Variants in CEP44 observed in about 807,000 individuals in gnomAD.
CEP44 encodes centrosomal protein of 44 kDa.
Under a neutral mutation model 46.7 loss-of-function variants are expected in CEP44, and 45 were observed. The observed-to-expected ratio is 0.96, with a 90% confidence interval of 0.76 to 1.24. The LOEUF (loss-of-function observed/expected upper bound fraction) is 1.24, where lower values mean the gene tolerates loss of function less well. CEP44 is among the 50% of genes most tolerant of loss of function. The pLI, the probability that CEP44 is intolerant of heterozygous loss-of-function variation, is 0.00. For missense variants in CEP44, 475 were observed against 459.7 expected (o/e 1.03, Z -0.30); for synonymous variants, 142 against 146.0 (o/e 0.97, Z 0.20).
At chr4:174,296,326 T>C (rs11929798) in intron 1 of CEP44, among the ~76,000 whole-genome samples, 61,578 of 152,060 alleles carry the variant, frequency 0.4, 13,235 homozygotes, top group Non-Finnish European at 0.48. Context: ...TAGAGAATCA[T>C]GACATTCAGC....
Position 174,304,273 on chromosome 4 carries a change from C to T in CEP44, c.411C>T (p.Ile137=). Residue 137 remains isoleucine (I), a synonymous_variant, in exon 6 of 12, where the codon ATC becomes ATT. Coordinates refer to ENST00000503780, the MANE Select transcript of CEP44 (RefSeq NM_001040157.3). ...QKIPSQQRKK[I]SSGKSEPPLG... is the part of the protein sequence containing the mutation. Reference sequence around the variant, plus strand: ...TTCCATCACAACAAAGAAAGAAAATCAGTTCTGGTAAGTCAGAACCTCCTT... The same window carrying T: ...TTCCATCACAACAAAGAAAGAAAATTAGTTCTGGTAAGTCAGAACCTCCTT... 6.3e-7 allele frequency: 1 copy of T among 1,597,412 alleles called. No homozygotes were observed.
At chr4:174,317,183 G>A (rs1487507417) in intron 11 of CEP44, 152 bp from the exon 12 acceptor site, 2 of 343,402 alleles carry the variant, frequency 5.8e-6, no homozygotes, top group Non-Finnish European at 1.1e-5. Context: ...CTTCCCTCTG[G>A]TCATACTTAA....
chr4:174,315,465 G>A (rs1277595885), intron 9 of CEP44, among the ~76,000 whole-genome samples: 1 of 152,020 alleles, frequency 6.6e-6, no homozygotes, highest in East Asian at 1.9e-4. Flanking sequence ...TTTCATATAT[G>A]TCAAATCAAG....
At position 174,290,633 on chromosome 4, in the gene CEP44, C is replaced by T. The variant is rs1009108849; in HGVS notation, c.-148+6690C>T. On this transcript the variant is annotated intron_variant, in intron 1 of 11. Transcript: ENST00000503780. The surrounding 1 kb of genome is among the most constrained non-coding windows in gnomAD (Gnocchi z 4.3). ...ATGACCAGTACATTATAGACAGTGA[C>T]GTATCAAAGTCTCCTTCTGTATTGT... Among the ~76,000 whole-genome samples, 13 of 152,024 alleles carry T rather than the reference C, an allele frequency of 8.6e-5. No homozygotes were observed. In the East Asian group the frequency reaches 2.1e-3, roughly 25 times the overall value.
intron 11 of CEP44, 133 bp downstream of exon 11, chr4:174,316,700 A>G: frequency 1.4e-6 from 1 of 701,320 alleles, no homozygotes; most frequent in Non-Finnish European, 2.3e-6. Flanking sequence ...TTCCTTCAGG[A>G]CTCCACTGGA....
At chr4:174,283,896 G>A (rs987756780), upstream of CEP44, 207 of 398,982 alleles carry the variant, frequency 5.2e-4, no homozygotes, top group Non-Finnish European at 7.8e-4. The surrounding 1 kb of genome is among the most constrained non-coding windows in gnomAD (Gnocchi z 6.7). Flanking sequence ...TCGGCAGCGA[G>A]GAATCCTGGA....
rs1198660939 is a variant in CEP44 at position 174,309,004 on chromosome 4, CAATAAGTCTTACTAAAAT to C, written c.678+149_678+166del. The C allele has an allele frequency of 6.6e-6, 5 of 756,638 alleles. No homozygotes were observed. The highest frequency in any genetic ancestry group is 8.6e-6 in the Non-Finnish European group (4 of 464,144). 46.9% of individuals were successfully genotyped at this position (756,638 alleles called of 1,614,324 possible). The stretch of plus-strand genomic sequence containing the variant: ...ATCTATGTTACAATTACTGAAGTGT[CAATAAGTCTTACTAAAAT>C]AATTCAACAAATATTTGCTGCATAT... On this transcript the variant is annotated intron_variant, in intron 7 of 11. Transcript: ENST00000503780. This position sits in a 1 kb window ranked among gnomAD's most constrained non-coding sequence, Gnocchi z 5.3.
chr4:174,332,675 A>G (rs905921923), exon 9 of CEP44: 1 of 152,206 alleles, frequency 6.6e-6, no homozygotes, highest in African/African-American at 2.4e-5. Context: ...CATAGCATGC[A>G]TTAATCACAA....
In CEP44 at chr4:174,311,664, G is replaced by T. The variant is rs1389315346; in HGVS notation, c.961+806G>T. Among the ~76,000 whole-genome samples the T allele has an allele frequency of 6.6e-6, 1 of 152,042 alleles. No individual in the cohort carries two copies. The highest frequency in any genetic ancestry group is 6.6e-5 in the Admixed American group (1 of 15,256). On this transcript the variant is annotated intron_variant, in intron 9 of 11. Coordinates refer to ENST00000503780, the MANE Select transcript of CEP44 (RefSeq NM_001040157.3). The surrounding 1 kb of genome is among the most constrained non-coding windows in gnomAD (Gnocchi z 4.4). ...TACTATATTAACTCATTTAATTCTT[G>T]AAGTAACCATTGCAAGATAAGTACT...
downstream of CEP44, among the ~76,000 whole-genome samples, chr4:174,320,940 C>T (rs1367565575): frequency 2.0e-5 from 3 of 151,788 alleles, no homozygotes; most frequent in Non-Finnish European, 2.9e-5. Flanking sequence ...ATTATGATGA[C>T]AGTGGAGATG....
chr4:174,295,809 A>T (rs975434881), intron 1 of CEP44, among the ~76,000 whole-genome samples: 1 of 152,264 alleles, frequency 6.6e-6, no homozygotes. Context: ...CCTATTTTTT[A>T]ATTGTATTGT....
chr4:174,320,550 T>C (rs1381780324), downstream of CEP44, among the ~76,000 whole-genome samples: 1 of 18,364 alleles, frequency 5.4e-5, no homozygotes, highest in East Asian at 2.1e-3. Flanking sequence ...GGAAGTGATG[T>C]TTATCTTAAG....
At position 174,309,960 on chromosome 4, in the gene CEP44, A is replaced by C; in HGVS notation, c.789A>C (p.Gln263His). The C allele has an allele frequency of 6.2e-7, 1 of 1,612,942 alleles. No homozygotes were observed. Residue 263 changes from glutamine to histidine, a missense_variant, in exon 8 of 12, where the codon CAA becomes CAC. Transcript: ENST00000503780. This position sits in a 1 kb window ranked among gnomAD's most constrained non-coding sequence, Gnocchi z 5.3. ...SIEKRLDCLE[Q>H]KMKGKVMVDE... ...AGAAAAGGTTAGACTGTTTGGAACA[A>C]AAAATGAAAGGAAAAGTGATGGTAG...
rs1214641884 is a variant in CEP44, at chr4:174,297,790, T to TA, written c.-147-173dup. 6.6e-6 allele frequency among the ~76,000 whole-genome samples: 1 copy of TA among 152,180 alleles called. No homozygotes were observed. The highest frequency in any genetic ancestry group is 1.5e-5 in the Non-Finnish European group (1 of 68,024). ...TCCTTGATTCAATTTCTTTGGAGTG[T>TA]AAAGCTCTTTTCTCTTTCCAGGGAA... On this transcript the variant is annotated intron_variant, in intron 1 of 11. Coordinates refer to ENST00000503780, the MANE Select transcript of CEP44 (RefSeq NM_001040157.3). This position sits in a 1 kb window ranked among gnomAD's most constrained non-coding sequence, Gnocchi z 4.3.
intron 9 of CEP44, among the ~76,000 whole-genome samples, chr4:174,315,179 T>C (rs1028693545): frequency 2.6e-5 from 4 of 152,136 alleles, no homozygotes; most frequent in Non-Finnish European, 5.9e-5. Context: ...AGGTTGTCTG[T>C]GTAGGCTTAC....
Position 174,303,937 on chromosome 4 carries a change from C to T in CEP44, c.384+88C>T, listed in dbSNP as rs1740059574. On this transcript the variant is annotated intron_variant, in intron 5 of 11. Coordinates refer to ENST00000503780, the MANE Select transcript of CEP44 (RefSeq NM_001040157.3). ...TGTATAAAATCAAAACCCTAGACAG[C>T]AAATTATTTCATAGTGTAATTACTG... 7 of 863,450 alleles carry T rather than the reference C, an allele frequency of 8.1e-6. No individual in the cohort carries two copies. In the East Asian group the frequency reaches 1.6e-4, roughly 20 times the overall value. 53.5% of individuals were successfully genotyped at this position (863,450 alleles called of 1,614,324 possible).
At chr4:174,308,896 T>G (rs1363838550) in intron 7 of CEP44, 37 bp downstream of exon 7, 3 of 1,568,400 alleles carry the variant, frequency 1.9e-6, no homozygotes, top group Non-Finnish European at 2.6e-6. Flanking sequence ...ATGCCAGTAT[T>G]TTTTACTTAA....
intron 4 of CEP44, among the ~76,000 whole-genome samples, chr4:174,303,116 A>G (rs1739939013): frequency 6.6e-6 from 1 of 152,184 alleles, no homozygotes; most frequent in Non-Finnish European, 1.5e-5. Flanking sequence ...GTTGCAGTCA[A>G]TGAAATGGGA....
In CEP44 at chr4:174,319,066, C is replaced by T. The variant is rs1046995263; in HGVS notation, c.*1683C>T. The T allele has an allele frequency of 3.0e-5, 25 of 846,608 alleles. No individual in the cohort carries two copies. In the African/African-American group the frequency reaches 4.1e-4, roughly 14 times the overall value. 52.4% of individuals were successfully genotyped at this position (846,608 alleles called of 1,614,324 possible). On this transcript the variant is annotated 3_prime_UTR_variant, in exon 12 of 12. Coordinates refer to ENST00000503780, the MANE Select transcript of CEP44 (RefSeq NM_001040157.3). ...TAAAGCTACTCGCCCACCTGGATGT[C>T]CCAAAGTGCTAGATTCCATGGGTGA...
Sources: gnomAD v4.1 joint callset for allele counts (sites outside exome capture counted in the v4.1 genomes callset) on GRCh38, gnomAD v4.1.1 for gene constraint, Gnocchi (gnomAD v3.1) non-coding constraint, MANE v1.5 for transcripts, NCBI Gene and HGNC (gene_info 2026-07-23, HGNC 2026-07-21) for gene names.